The following PTPRG variants were observed in gnomAD, a reference collection of about 807,000 sequenced individuals.
PTPRG encodes receptor-type tyrosine-protein phosphatase gamma.
Under a neutral mutation model 165.3 loss-of-function variants are expected in PTPRG, and 102 were observed. That is an observed-to-expected ratio of 0.62 (90% CI 0.53 to 0.73). The LOEUF is 0.73. Ranked by LOEUF, PTPRG falls within the 30% of genes least tolerant of loss-of-function variation. The pLI, the probability that PTPRG is intolerant of heterozygous loss-of-function variation, is 0.00. For synonymous variants in PTPRG, 675 were observed against 669.5 expected, an observed-to-expected ratio of 1.01 and a Z score of -0.13; for missense variants, 1,866 against 1,861.4, an observed-to-expected ratio of 1.00 and a Z score of -0.05.
At chr3:61,746,796 T>C (rs1479339568) in intron 1 of PTPRG, among the ~76,000 whole-genome samples, 2 of 151,912 alleles carry the variant, frequency 1.3e-5, no homozygotes, top group East Asian at 3.9e-4. Flanking sequence ...CTAGCTGGAG[T>C]GGGGATATGG....
At chr3:62,068,966 T>C (rs1171645270) in intron 4 of PTPRG, among the ~76,000 whole-genome samples, 3 of 152,252 alleles carry the variant, frequency 2.0e-5, no homozygotes, top group Non-Finnish European at 4.4e-5. Flanking sequence ...CCTGCAAAGA[T>C]ACCCGCTACC....
intron 1 of PTPRG, among the ~76,000 whole-genome samples, chr3:61,731,127 A>T (rs766628653): frequency 6.6e-6 from 1 of 152,182 alleles, no homozygotes; most frequent in Non-Finnish European, 1.5e-5. Context: ...GAATAGACCA[A>T]GGAACGATTT....
chr3:61,586,927 C>G (rs1700448276), intron 1 of PTPRG, among the ~76,000 whole-genome samples: 1 of 152,182 alleles, frequency 6.6e-6, no homozygotes, highest in Admixed American at 6.5e-5. Context: ...AGCTCTCTGC[C>G]CACATGTAGG....
At chr3:61,662,986 AC>A (rs1171475097) in intron 1 of PTPRG, among the ~76,000 whole-genome samples, 1 of 152,130 alleles carries the variant, frequency 6.6e-6, no homozygotes, top group Non-Finnish European at 1.5e-5. Flanking sequence ...AGTTTTCACA[AC>A]CATTGAAAAG....
At chr3:62,017,148 C>T (rs1290134961) in intron 4 of PTPRG, among the ~76,000 whole-genome samples, 1 of 152,136 alleles carries the variant, frequency 6.6e-6, no homozygotes, top group East Asian at 1.9e-4. Flanking sequence ...ACAGCGTAAG[C>T]AGTGTTACCC....
chr3:62,206,012 C>A (rs1700221892), intron 12 of PTPRG, among the ~76,000 whole-genome samples: 1 of 152,174 alleles, frequency 6.6e-6, no homozygotes, highest in Admixed American at 6.5e-5. Flanking sequence ...GACTTTCAAG[C>A]TTGAGTGTTC....
intron 1 of PTPRG, chr3:61,742,315 C>T (rs890848074): frequency 1.7e-6 from 1 of 585,146 alleles, no homozygotes; most frequent in African/African-American, 1.9e-5. Context: ...TTAAATGAGG[C>T]ACGTAGGAAA....
At chr3:61,983,565 A>T (rs1481491386) in intron 2 of PTPRG, among the ~76,000 whole-genome samples, 1 of 152,136 alleles carries the variant, frequency 6.6e-6, no homozygotes, top group Non-Finnish European at 1.5e-5. Context: ...AGGAACCATT[A>T]TTTGGATCTA....
intron 1 of PTPRG, among the ~76,000 whole-genome samples, chr3:61,586,226 T>A (rs979185543): frequency 6.6e-6 from 1 of 151,828 alleles, no homozygotes; most frequent in African/African-American, 2.4e-5. Context: ...AAACTTAAGG[T>A]CAGGAAGGAC....
chr3:61,569,953 T>G (rs1700017668), intron 1 of PTPRG, among the ~76,000 whole-genome samples: 1 of 152,224 alleles, frequency 6.6e-6, no homozygotes, highest in Non-Finnish European at 1.5e-5. Flanking sequence ...GCTTAAAATG[T>G]GTCTCATAAG....
chr3:62,005,467 G>A (rs1224074005), intron 4 of PTPRG, among the ~76,000 whole-genome samples: 1 of 152,100 alleles, frequency 6.6e-6, no homozygotes, highest in Non-Finnish European at 1.5e-5. Flanking sequence ...AAGCCTCTTT[G>A]TCTTAGAATT....
chr3:61,775,869 T>G (rs934462181), intron 2 of PTPRG, among the ~76,000 whole-genome samples: 51 of 145,128 alleles, frequency 3.5e-4, no homozygotes, highest in African/African-American at 1.2e-3. Context: ...TAGGTGGGAA[T>G]TGAACAATGA....
chr3:61,789,714 G>A (rs2034815007), intron 2 of PTPRG, among the ~76,000 whole-genome samples: 2 of 152,206 alleles, frequency 1.3e-5, no homozygotes, highest in African/African-American at 4.8e-5. Flanking sequence ...AAAGGATGAA[G>A]AGTTCTGAAA....
At chr3:61,720,831 G>A (rs533404456) in intron 1 of PTPRG, among the ~76,000 whole-genome samples, 1 of 152,280 alleles carries the variant, frequency 6.6e-6, no homozygotes, top group African/African-American at 2.4e-5. Flanking sequence ...GCAGTTAGAG[G>A]CTTTAGAAAT....
intron 1 of PTPRG, among the ~76,000 whole-genome samples, chr3:61,590,259 C>T (rs1362877950): frequency 2.6e-5 from 4 of 151,034 alleles, no homozygotes; most frequent in Admixed American, 1.3e-4. Context: ...CGGTGGCTCA[C>T]GCCTGTAATC....
intron 12 of PTPRG, among the ~76,000 whole-genome samples, chr3:62,218,206 T>C (rs1345632052): frequency 6.6e-6 from 1 of 152,192 alleles, no homozygotes; most frequent in Non-Finnish European, 1.5e-5. Context: ...GATGTCATTG[T>C]CCTGGCTTGA....
intron 1 of PTPRG, among the ~76,000 whole-genome samples, chr3:61,684,174 T>C (rs1341181719): frequency 6.6e-6 from 1 of 152,196 alleles, no homozygotes; most frequent in Non-Finnish European, 1.5e-5. Context: ...AGTTTTGCCT[T>C]CTGAGTAGTA....
At chr3:62,130,864 A>G (rs1451803277) in intron 5 of PTPRG, among the ~76,000 whole-genome samples, 1 of 152,076 alleles carries the variant, frequency 6.6e-6, no homozygotes, top group African/African-American at 2.4e-5. Flanking sequence ...CTTCTCAGGC[A>G]ATTTGTAGGC....
chr3:61,959,048 G>A (rs1228495683), intron 2 of PTPRG, among the ~76,000 whole-genome samples: 2 of 152,170 alleles, frequency 1.3e-5, no homozygotes, highest in Non-Finnish European at 2.9e-5. Context: ...TGGTACTGCT[G>A]TACCATGGTA....
Sources: gnomAD v4.1 joint callset for allele counts (sites outside exome capture counted in the v4.1 genomes callset) on GRCh38, gnomAD v4.1.1 for gene constraint, MANE v1.5 for transcripts, NCBI Gene and HGNC (gene_info 2026-07-23, HGNC 2026-07-21) for gene names.